MPRIP: variants seen among roughly 807,000 people sequenced by gnomAD.
The protein encoded by MPRIP is myosin phosphatase Rho interacting protein.
In MPRIP, 59 loss-of-function variants were observed where a neutral mutation model predicts 234.9. The observed-to-expected ratio is 0.25, with a 90% confidence interval of 0.20 to 0.31. The LOEUF (loss-of-function observed/expected upper bound fraction) is 0.31, where lower values mean the gene tolerates loss of function less well. MPRIP is among the 10% of genes least tolerant of loss of function. The pLI is 1.00. For synonymous variants in MPRIP, 1,144 were observed against 1,263.9 expected (o/e 0.91, Z 2.01); for missense variants, 2,436 against 3,071.0 (o/e 0.79, Z 4.89).
At chr17:17,142,405 G>A (rs193284434) in intron 7 of MPRIP, 7 of 508,936 alleles carry the variant, frequency 1.4e-5, no homozygotes, top group Admixed American at 3.5e-5. Flanking sequence ...CCTCTAGCGC[G>A]GGGGCAGAGG....
rs545060112 is a variant in MPRIP, at chr17:17,191,761, T to G, written c.*6867T>G. On this transcript the variant is annotated 3_prime_UTR_variant, in exon 24 of 24. Transcript: ENST00000651222. ...AGTTAGTGGTGTCACATCCTTAGTT[T>G]TATAGACAGCTAGGAATAGATTGTG... 1 of 152,358 alleles carries G rather than the reference T, an allele frequency of 6.6e-6. No individual in the cohort carries two copies. Among genetic ancestry groups the G allele is most frequent in the East Asian group, 1.9e-4 (1 of 5,186 alleles). The allele number at this position is 152,358 out of a possible 1,614,324, so 9.4% of individuals were successfully genotyped here. A position where few individuals can be genotyped will look rare whatever the true frequency, so the allele number is the denominator to read the frequency against.
At chr17:17,048,203 A>T (rs1029946536) in intron 1 of MPRIP, among the ~76,000 whole-genome samples, 1 of 151,988 alleles carries the variant, frequency 6.6e-6, no homozygotes, top group African/African-American at 2.4e-5. Flanking sequence ...TCCCATCTGG[A>T]AATGAGCTCG....
At position 17,167,455 on chromosome 17, in the gene MPRIP, T is replaced by C. The variant is rs1176140206; in HGVS notation, c.5864T>C (p.Val1955Ala). ...RGRYEEEIRC[V>A]VEQLTRTEST... ...AGGTATGAGGAGGAGATTCGGTGTGTGGTGGAGCAGCTGACCAGGACCGAG... is the reference window on the plus strand; with the variant it reads ...AGGTATGAGGAGGAGATTCGGTGTGCGGTGGAGCAGCTGACCAGGACCGAG... Residue 1955 changes from valine to alanine, a missense_variant, in exon 16 of 24, where the codon GTG (valine) becomes GCG (alanine). By Grantham distance (64) the Val-to-Ala change is moderately conservative. Transcript: ENST00000651222. The surrounding 1 kb of genome is among the most constrained non-coding windows in gnomAD (Gnocchi z 5.9). 1 of 1,304,054 alleles carries C rather than the reference T, an allele frequency of 7.7e-7. No homozygotes were observed. The highest frequency in any genetic ancestry group is 1.0e-6 in the Non-Finnish European group (1 of 988,928). 80.8% of individuals were successfully genotyped at this position (1,304,054 alleles called of 1,614,324 possible). A position where few individuals can be genotyped will look rare whatever the true frequency, so the allele number is the denominator to read the frequency against.
Position 17,142,486 on chromosome 17 carries a change from G to A in MPRIP, c.1251-141G>A. On this transcript the variant is annotated intron_variant, in intron 7 of 23. Coordinates refer to ENST00000651222, the MANE Select transcript of MPRIP (RefSeq NM_001364716.4). Reference sequence around the variant, plus strand: ...TGCAGGCAGAGCTCGGGTCAGCTGAGCACGTGTCTAGACAACCTCGGTGCT... The same window carrying A: ...TGCAGGCAGAGCTCGGGTCAGCTGAACACGTGTCTAGACAACCTCGGTGCT... 6.4e-6 allele frequency: 6 copies of A among 940,296 alleles called. No individual in the cohort carries two copies. In the South Asian group the frequency reaches 8.2e-5, roughly 13 times the overall value. The allele number at this position is 940,296 out of a possible 1,614,324, so 58.2% of individuals were successfully genotyped here.
intron 1 of MPRIP, among the ~76,000 whole-genome samples, chr17:17,068,666 GACTA>G (rs2089116657): frequency 6.6e-6 from 1 of 151,910 alleles, no homozygotes; most frequent in South Asian, 2.1e-4. Flanking sequence ...GAGTAGCTGG[GACTA>G]CAGGTGTGTG....
At chr17:17,112,668 C>G (rs910558232) in intron 3 of MPRIP, among the ~76,000 whole-genome samples, 1 of 152,216 alleles carries the variant, frequency 6.6e-6, no homozygotes, top group African/African-American at 2.4e-5. Flanking sequence ...CCCTCTGCCC[C>G]TTTAAGGGGA....
intron 1 of MPRIP, among the ~76,000 whole-genome samples, chr17:17,061,940 T>A (rs939029428): frequency 2.6e-5 from 4 of 152,144 alleles, no homozygotes; most frequent in African/African-American, 9.7e-5. Flanking sequence ...ATTGTGCAGT[T>A]ACCTAGGGTA....
intron 1 of MPRIP, among the ~76,000 whole-genome samples, chr17:17,056,087 G>C (rs1276851685): frequency 6.6e-6 from 1 of 152,246 alleles, no homozygotes; most frequent in African/African-American, 2.4e-5. Context: ...ATGTCTGGCT[G>C]TGTGTGGCCC....
intron 1 of MPRIP, among the ~76,000 whole-genome samples, chr17:17,070,412 A>G (rs2089164362): frequency 1.3e-5 from 2 of 152,118 alleles, no homozygotes; most frequent in East Asian, 1.9e-4. Context: ...ACTTCTTGTT[A>G]CAGTTCCACA....
At chr17:17,065,308 G>C (rs1431011268) in intron 1 of MPRIP, among the ~76,000 whole-genome samples, 1 of 150,028 alleles carries the variant, frequency 6.7e-6, no homozygotes, top group Non-Finnish European at 1.5e-5. Flanking sequence ...ATGAAGTCCA[G>C]TTTATCCATT....
chr17:17,101,759 G>A (rs1183503102), intron 3 of MPRIP, among the ~76,000 whole-genome samples: 1 of 152,220 alleles, frequency 6.6e-6, no homozygotes, highest in Non-Finnish European at 1.5e-5. Context: ...AGGCCCGTAG[G>A]GTAGGTACTG....
At chr17:17,176,067 T>C (rs1251211689) in intron 20 of MPRIP, among the ~76,000 whole-genome samples, 2 of 152,168 alleles carry the variant, frequency 1.3e-5, no homozygotes, top group Non-Finnish European at 2.9e-5. Flanking sequence ...AATGAGTGCT[T>C]TACCAAAAGG....
chr17:17,088,740 A>G (rs1370290654), intron 3 of MPRIP, among the ~76,000 whole-genome samples: 4 of 152,210 alleles, frequency 2.6e-5, no homozygotes, highest in African/African-American at 4.8e-5. Context: ...TATCATGTCC[A>G]AAAACAGTCT....
Position 17,131,718 on chromosome 17 carries a change from C to T in MPRIP, c.504+17C>T, listed in dbSNP as rs753780481. 5 of 1,611,578 alleles carry T rather than the reference C, an allele frequency of 3.1e-6. No homozygotes were observed. In the Admixed American group the frequency reaches 6.7e-5, roughly 21 times the overall value. On this transcript the variant is annotated intron_variant, in intron 5 of 23. Transcript: ENST00000651222. ...ACACCACAGGTAGGCAGTGGGTTTG[C>T]CAGATGGCATCCCCTCAGTGGAGCC...
At chr17:17,103,767 G>A (rs2090009739) in intron 3 of MPRIP, among the ~76,000 whole-genome samples, 1 of 152,190 alleles carries the variant, frequency 6.6e-6, no homozygotes, top group African/African-American at 2.4e-5. Flanking sequence ...AAAACAGATT[G>A]GTTTTAAAAA....
At chr17:17,175,031 A>C (rs998752072) in intron 19 of MPRIP, among the ~76,000 whole-genome samples, 11 of 152,160 alleles carry the variant, frequency 7.2e-5, no homozygotes, top group Non-Finnish European at 4.4e-5. Flanking sequence ...AGGGCTGTGT[A>C]TGAGGCTGCT....
intron 22 of MPRIP, chr17:17,178,428 T>TA (rs2046303484): frequency 6.6e-6 from 1 of 152,222 alleles, no homozygotes; most frequent in Non-Finnish European, 1.5e-5. Context: ...GGCTTGGTGG[T>TA]AGGCCTGGCT....
chr17:17,044,580 G>C (rs2088286265), intron 1 of MPRIP, among the ~76,000 whole-genome samples: 1 of 152,176 alleles, frequency 6.6e-6, no homozygotes, highest in Non-Finnish European at 1.5e-5. Context: ...ACTTTAAGAA[G>C]TTTCTGGGCA....
rs139708866 is a variant in MPRIP, at chr17:17,102,999, T to C, written c.268-23703T>C. 2.0e-5 allele frequency among the ~76,000 whole-genome samples: 3 copies of C among 152,360 alleles called. No homozygotes were observed. In the East Asian group the frequency reaches 5.8e-4, roughly 29 times the overall value. On this transcript the variant is annotated intron_variant, in intron 3 of 23. Transcript: ENST00000651222. ...TGCTGCATGCAGGCCTCATGTACTT[T>C]GACACAAGTGTGAGAGTGCTGGGGG...
Sources: gnomAD v4.1 joint callset for allele counts (sites outside exome capture counted in the v4.1 genomes callset) on GRCh38, gnomAD v4.1.1 for gene constraint, Gnocchi (gnomAD v3.1) non-coding constraint, MANE v1.5 for transcripts, NCBI Gene and HGNC (gene_info 2026-07-23, HGNC 2026-07-21) for gene names.